Variants in UBE2K observed in about 807,000 individuals in gnomAD.
UBE2K encodes ubiquitin-conjugating enzyme E2 K.
In UBE2K, 6 loss-of-function variants were observed where a neutral mutation model predicts 30.0. The observed-to-expected ratio is 0.20, with a 90% CI of 0.11 to 0.39. UBE2K has a LOEUF of 0.39. UBE2K is among the 10% of genes least tolerant of loss of function. The pLI is 1.00. For synonymous variants in UBE2K, 86 were observed against 83.7 expected (o/e 1.03, Z -0.15); for missense variants, 61 against 241.6 (o/e 0.25, Z 4.96).
At chr4:39,730,272 C>T (rs147207930) in intron 1 of UBE2K, among the ~76,000 whole-genome samples, 2 of 152,112 alleles carry the variant, frequency 1.3e-5, no homozygotes, top group African/African-American at 4.8e-5. Context: ...GCACCCTTGA[C>T]CTCTTGGGCT....
chr4:39,741,511 T>C (rs1720703727), intron 2 of UBE2K, among the ~76,000 whole-genome samples: 2 of 152,196 alleles, frequency 1.3e-5, no homozygotes, highest in Non-Finnish European at 1.5e-5. Flanking sequence ...GTTGCAGTTT[T>C]TTGAGTTTTT....
intron 1 of UBE2K, among the ~76,000 whole-genome samples, chr4:39,727,988 G>A (rs1172346003): frequency 6.6e-6 from 1 of 152,040 alleles, no homozygotes; most frequent in Non-Finnish European, 1.5e-5. Flanking sequence ...TAAGAAATTA[G>A]CCAGGCGTGG....
intron 1 of UBE2K, among the ~76,000 whole-genome samples, chr4:39,726,515 CT>C (rs1186369459): frequency 8.7e-5 from 10 of 114,582 alleles, no homozygotes. Flanking sequence ...GCCACCACTC[CT>C]CCTGGCCTCC....
intron 1 of UBE2K, chr4:39,710,243 TG>T (rs1177414943): frequency 9.1e-6 from 1 of 109,612 alleles, no homozygotes; most frequent in Non-Finnish European, 1.8e-5. Context: ...TGCCTACAGT[TG>T]AATGCCTACT....
At chr4:39,752,753 C>T (rs1169198650) in intron 3 of UBE2K, among the ~76,000 whole-genome samples, 2 of 152,006 alleles carry the variant, frequency 1.3e-5, no homozygotes, top group African/African-American at 2.4e-5. Context: ...TTCAAAAATC[C>T]GAGATTTGAA....
chr4:39,768,751 C>T (rs997641486), intron 4 of UBE2K, among the ~76,000 whole-genome samples: 2 of 152,148 alleles, frequency 1.3e-5, no homozygotes, highest in African/African-American at 4.8e-5. Flanking sequence ...GTATTCCCAC[C>T]AGCAGTGTGC....
rs1207824348 is a variant in UBE2K at position 39,782,422 on chromosome 4, T to C, written c.*3988T>C. ...TGAAAATAATATCTATTTTTTAGCT[T>C]TCAGCAATTGATGGTGCTTTGTTGT... On this transcript the variant is annotated 3_prime_UTR_variant, in exon 7 of 7. Transcript: ENST00000261427. The C allele has an allele frequency of 2.0e-5, 3 of 152,878 alleles. No individual in the cohort carries two copies. The highest frequency in any genetic ancestry group is 2.1e-4 in the South Asian group (1 of 4,832). 9.5% of individuals were successfully genotyped at this position (152,878 alleles called of 1,614,324 possible). A position where few individuals can be genotyped will look rare whatever the true frequency, so the allele number is the denominator to read the frequency against.
chr4:39,777,604 T>A (rs1181808226), intron 5 of UBE2K, 78 bp from the exon 6 acceptor site: 1 of 1,277,174 alleles, frequency 7.8e-7, no homozygotes, highest in African/African-American at 1.8e-5. Context: ...AAAAGTAGGA[T>A]TGTAGGCGAT....
chr4:39,774,939 A>G lies in UBE2K; in HGVS notation c.399+6A>G. The G allele has an allele frequency of 1.3e-6, 2 of 1,589,364 alleles. No homozygotes were observed. Among genetic ancestry groups the G allele is most frequent in the Non-Finnish European group, 1.7e-6 (2 of 1,165,140 alleles). The stretch of plus-strand genomic sequence containing the variant: ...ATGCTGTAGTAGCAAATCAGGTAAG[A>G]TGGCCGCTTTTGAAAGACTTTCTTA... On this transcript the variant is annotated splice_donor_region_variant and intron_variant, in intron 5 of 6. Transcript: ENST00000261427.
At chr4:39,723,412 G>A (rs923369893) in intron 1 of UBE2K, among the ~76,000 whole-genome samples, 2 of 128,974 alleles carry the variant, frequency 1.6e-5, no homozygotes, top group Non-Finnish European at 3.1e-5. Context: ...CCTGTTGCCC[G>A]GGCTGGAGTG....
chr4:39,771,865 C>CA (rs1456990681), intron 4 of UBE2K, among the ~76,000 whole-genome samples: 20 of 152,114 alleles, frequency 1.3e-4, no homozygotes, highest in Non-Finnish European at 2.9e-5. Context: ...GTGTAGGAGA[C>CA]AGTCTGGCTG....
intron 1 of UBE2K, among the ~76,000 whole-genome samples, chr4:39,716,359 C>CGGA (rs1177959559): frequency 6.6e-6 from 1 of 152,164 alleles, no homozygotes; most frequent in Non-Finnish European, 1.5e-5. Flanking sequence ...GTGATCCTCC[C>CGGA]ACCACAGCCT....
chr4:39,721,907 G>A (rs1317889875), intron 1 of UBE2K, among the ~76,000 whole-genome samples: 1 of 152,028 alleles, frequency 6.6e-6, no homozygotes, highest in African/African-American at 2.4e-5. Context: ...TGGACAACAT[G>A]ACAAAAGCCC....
At chr4:39,707,634 A>G (rs1253967904) in intron 1 of UBE2K, among the ~76,000 whole-genome samples, 4 of 146,056 alleles carry the variant, frequency 2.7e-5, no homozygotes, top group African/African-American at 1.0e-4. Context: ...CAGGCCTTCC[A>G]CCTCAGCCTC....
chr4:39,742,784 G>A (rs137916657), intron 2 of UBE2K, among the ~76,000 whole-genome samples: 1 of 152,016 alleles, frequency 6.6e-6, no homozygotes, highest in African/African-American at 2.4e-5. Flanking sequence ...AATGGCTTAT[G>A]CCTGTAATCC....
At chr4:39,773,882 C>T (rs563875851) in intron 4 of UBE2K, among the ~76,000 whole-genome samples, 47 of 152,126 alleles carry the variant, frequency 3.1e-4, no homozygotes, top group African/African-American at 1.1e-3. Flanking sequence ...GATCGCGCCA[C>T]TGCACTCCAG....
chr4:39,768,442 G>A (rs1405792528), intron 4 of UBE2K, among the ~76,000 whole-genome samples: 3 of 99,252 alleles, frequency 3.0e-5, no homozygotes, highest in Non-Finnish European at 5.7e-5. Flanking sequence ...GTGAGACTTC[G>A]TTTCCAAAAA....
chr4:39,713,286 A>ATTTTT (rs56104487), intron 1 of UBE2K, among the ~76,000 whole-genome samples: 35 of 83,566 alleles, frequency 4.2e-4, no homozygotes, highest in African/African-American at 1.7e-3. Context: ...TCTGTAGGAA[A>ATTTTT]TTTTTTTTTT....
chr4:39,763,243 T>G (rs993690207), intron 4 of UBE2K, among the ~76,000 whole-genome samples: 1 of 142,140 alleles, frequency 7.0e-6, no homozygotes, highest in Non-Finnish European at 1.5e-5. Flanking sequence ...GCATCCAGCC[T>G]TAAAACACTT....
Sources: allele counts gnomAD v4.1 joint callset (sites outside exome capture counted in the v4.1 genomes callset), GRCh38; gene constraint gnomAD v4.1.1; transcripts MANE v1.5; gene names NCBI Gene and HGNC (gene_info 2026-07-23, HGNC 2026-07-21).